The following CCDC85A variants were observed in gnomAD, a reference collection of about 807,000 sequenced individuals.
The protein encoded by CCDC85A is coiled-coil domain containing 85A.
A neutral mutation model predicts 50.2 loss-of-function variants in CCDC85A; 38 were observed. That is an observed-to-expected ratio of 0.76 (90% CI 0.58 to 0.99). The LOEUF is 0.99. Ranked by LOEUF, CCDC85A falls within the 50% of genes least tolerant of loss-of-function variation. The pLI, the probability that CCDC85A is intolerant of heterozygous loss-of-function variation, is 0.00. For synonymous variants in CCDC85A, 366 were observed against 301.4 expected (o/e 1.21, Z -2.22); for missense variants, 820 against 742.0 (o/e 1.11, Z -1.22).
chr2:56,274,577 A>G (rs1334933019), intron 2 of CCDC85A, among the ~76,000 whole-genome samples: 5 of 152,198 alleles, frequency 3.3e-5, no homozygotes, highest in Admixed American at 2.0e-4. Flanking sequence ...GTGGAGGGCA[A>G]TCTGCTTCAC....
intron 2 of CCDC85A, among the ~76,000 whole-genome samples, chr2:56,201,008 A>G (rs1436693886): frequency 6.6e-6 from 1 of 151,580 alleles, no homozygotes; most frequent in Non-Finnish European, 1.5e-5. Context: ...ATGAGACAGG[A>G]GATATCTAAG....
intron 2 of CCDC85A, among the ~76,000 whole-genome samples, chr2:56,212,528 A>C (rs1193869469): frequency 6.6e-6 from 1 of 152,088 alleles, no homozygotes; most frequent in Non-Finnish European, 1.5e-5. Flanking sequence ...ACTGAAAGAG[A>C]AAACATAAAT....
chr2:56,333,887 G>C (rs1397820063), intron 2 of CCDC85A, among the ~76,000 whole-genome samples: 1 of 152,170 alleles, frequency 6.6e-6, no homozygotes. Flanking sequence ...AGTGGAGGAA[G>C]GTGACAAGAC....
chr2:56,208,387 A>G (rs138749535), intron 2 of CCDC85A, among the ~76,000 whole-genome samples: 57 of 152,298 alleles, frequency 3.7e-4, no homozygotes, highest in Middle Eastern at 6.8e-3. Flanking sequence ...ACATCCAGAT[A>G]TACACATCAA....
intron 2 of CCDC85A, among the ~76,000 whole-genome samples, chr2:56,291,048 C>A (rs569129152): frequency 6.6e-5 from 10 of 152,112 alleles, no homozygotes; most frequent in Non-Finnish European, 1.0e-4. Context: ...ACTTATGTTG[C>A]GGGTTATATG....
intron 2 of CCDC85A, among the ~76,000 whole-genome samples, chr2:56,254,966 C>T (rs1327347110): frequency 6.6e-6 from 1 of 152,206 alleles, no homozygotes; most frequent in East Asian, 1.9e-4. Flanking sequence ...GCTTCTTCCT[C>T]TCACTACATG....
chr2:56,381,753 C>T (rs1241524622), intron 5 of CCDC85A, among the ~76,000 whole-genome samples: 1 of 151,994 alleles, frequency 6.6e-6, no homozygotes. Flanking sequence ...TTTCCCTTTT[C>T]CTTTGCTTTC....
chr2:56,257,015 C>T (rs967330801), intron 2 of CCDC85A, among the ~76,000 whole-genome samples: 2 of 151,924 alleles, frequency 1.3e-5, no homozygotes, highest in Non-Finnish European at 2.9e-5. Context: ...AACTGAAGTC[C>T]ATATAGTACT....
chr2:56,311,506 T>G (rs951614986), intron 2 of CCDC85A, among the ~76,000 whole-genome samples: 1 of 151,890 alleles, frequency 6.6e-6, no homozygotes, highest in Non-Finnish European at 1.5e-5. Flanking sequence ...TTAGGGTACA[T>G]GTGCACAATG....
chr2:56,381,795 C>A (rs941542107), intron 5 of CCDC85A, among the ~76,000 whole-genome samples: 1 of 152,034 alleles, frequency 6.6e-6, no homozygotes, highest in African/African-American at 2.4e-5. Context: ...TTAGAAAATT[C>A]ATATCTTAGT....
intron 1 of CCDC85A, among the ~76,000 whole-genome samples, chr2:56,189,297 GTTT>G (rs70955011): frequency 1.6e-5 from 2 of 121,952 alleles, no homozygotes; most frequent in Admixed American, 8.6e-5. Context: ...TATTTTTGGT[GTTT>G]TTTTTTTTTT....
At chr2:56,197,834 G>T (rs1458941897) in intron 2 of CCDC85A, among the ~76,000 whole-genome samples, 1 of 152,332 alleles carries the variant, frequency 6.6e-6, no homozygotes, top group Non-Finnish European at 1.5e-5. Flanking sequence ...GGGTGGAATT[G>T]TTAGGCTAAT....
chr2:56,256,149 C>G (rs1279811264), intron 2 of CCDC85A, among the ~76,000 whole-genome samples: 3 of 152,112 alleles, frequency 2.0e-5, no homozygotes, highest in African/African-American at 7.2e-5. Context: ...GCTTTGATTA[C>G]AGGTCAAAAT....
intron 1 of CCDC85A, among the ~76,000 whole-genome samples, chr2:56,185,939 G>A (rs930379722): frequency 6.6e-6 from 1 of 152,170 alleles, no homozygotes; most frequent in Non-Finnish European, 1.5e-5. Context: ...ATTCCCGAAG[G>A]CACAAGCTGT....
chr2:56,317,391 G>A (rs1165780818), intron 2 of CCDC85A, among the ~76,000 whole-genome samples: 2 of 152,024 alleles, frequency 1.3e-5, no homozygotes, highest in African/African-American at 2.4e-5. Flanking sequence ...TGCCAGTATA[G>A]CATTTCTCTG....
At chr2:56,243,193 C>T (rs7591193) in intron 2 of CCDC85A, among the ~76,000 whole-genome samples, 29,423 of 151,902 alleles carry the variant, frequency 0.19, 2,950 homozygotes, top group East Asian at 0.28. Context: ...TTGAGAAGTT[C>T]TCTGTTATTA....
intron 3 of CCDC85A, among the ~76,000 whole-genome samples, chr2:56,356,010 T>C (rs1476574005): frequency 6.6e-6 from 1 of 152,174 alleles, no homozygotes; most frequent in Admixed American, 6.5e-5. Flanking sequence ...CCAAGGCAGG[T>C]GTGTCTTAAT....
chr2:56,321,268 A>G (rs966501229), intron 2 of CCDC85A, among the ~76,000 whole-genome samples: 9 of 152,290 alleles, frequency 5.9e-5, no homozygotes, highest in African/African-American at 2.2e-4. Context: ...CCTATTCAAC[A>G]TAGTGTTGGA....
intron 2 of CCDC85A, among the ~76,000 whole-genome samples, chr2:56,342,509 T>C (rs566680730): frequency 1.4e-4 from 22 of 152,322 alleles, no homozygotes; most frequent in Admixed American, 5.2e-4. Context: ...ACTGCTTCTC[T>C]TAGGTTTATT....
Sources: gnomAD v4.1 joint callset for allele counts (sites outside exome capture counted in the v4.1 genomes callset) on GRCh38, gnomAD v4.1.1 for gene constraint, MANE v1.5 for transcripts, NCBI Gene and HGNC (gene_info 2026-07-23, HGNC 2026-07-21) for gene names.